STOM: variants seen among roughly 807,000 people sequenced by gnomAD.
The protein encoded by STOM is stomatin, also known as erythrocyte band 7 integral membrane protein.
A neutral mutation model predicts 30.6 loss-of-function variants in STOM; 25 were observed. That is an observed-to-expected ratio of 0.82 (90% CI 0.60 to 1.14). The LOEUF is 1.14. Among genes scored for constraint, STOM ranks in the 50% most tolerant of loss-of-function variants. The pLI is 0.00. For synonymous variants in STOM, 118 were observed against 130.8 expected, an observed-to-expected ratio of 0.90 and a Z score of 0.67; for missense variants, 292 against 365.2, an observed-to-expected ratio of 0.80 and a Z score of 1.63.
At chr9:121,350,587 G>T (rs572202662) in intron 4 of STOM, among the ~76,000 whole-genome samples, 1 of 152,310 alleles carries the variant, frequency 6.6e-6, no homozygotes, top group Non-Finnish European at 1.5e-5. Context: ...GACCTGAACT[G>T]AGTCCCATCT....
chr9:121,350,742 A>C (rs2064332132), intron 4 of STOM, among the ~76,000 whole-genome samples: 1 of 152,252 alleles, frequency 6.6e-6, no homozygotes, highest in South Asian at 2.1e-4. Flanking sequence ...CTTGTGAATG[A>C]AGCCCTTTTG....
chr9:121,349,469 T>A, intron 4 of STOM, 146 bp from the exon 5 acceptor site: 1 of 634,212 alleles, frequency 1.6e-6, no homozygotes, highest in Non-Finnish European at 2.7e-6. Context: ...TTTTAAAATT[T>A]AATAAAATAA....
At chr9:121,342,681 A>G (rs1020479935) in intron 6 of STOM, among the ~76,000 whole-genome samples, 2 of 152,244 alleles carry the variant, frequency 1.3e-5, no homozygotes, top group Non-Finnish European at 2.9e-5. Flanking sequence ...GTACATTTAA[A>G]AGAATGATGT....
Position 121,354,745 on chromosome 9 carries a change from A to G in STOM, c.166-72T>C. 8 of 1,181,522 alleles carry G rather than the reference A, an allele frequency of 6.8e-6. 1 individual carries two copies. Among genetic ancestry groups the G allele is most frequent in the Admixed American group, 2.2e-5 (1 of 46,096 alleles). 73.2% of individuals were successfully genotyped at this position (1,181,522 alleles called of 1,614,324 possible). A position where few individuals can be genotyped will look rare whatever the true frequency, so the allele number is the denominator to read the frequency against. On this transcript the variant is annotated intron_variant, in intron 2 of 6. Coordinates refer to ENST00000286713, the MANE Select transcript of STOM (RefSeq NM_004099.6). ...TATACATGCATGGCTTCTTAAATAT[A>G]TATTTCTGCTCTAAACAGATTAGAT...
chr9:121,357,434 T>TATATATATATATATATATATATAG (rs2064403953), intron 1 of STOM, among the ~76,000 whole-genome samples: 1 of 116,506 alleles, frequency 8.6e-6, no homozygotes, highest in Non-Finnish European at 1.9e-5. Flanking sequence ...GATATATATA[T>TATATATATATATATATATATATAG]ATATATTTAT....
intron 1 of STOM, among the ~76,000 whole-genome samples, chr9:121,357,323 T>G (rs1490355812): frequency 6.6e-6 from 1 of 151,438 alleles, no homozygotes; most frequent in East Asian, 1.9e-4. Flanking sequence ...TGCAAAAAAT[T>G]CACAGAAGTA....
rs572135554 is a variant in STOM, at chr9:121,358,012, C to T, written c.62-1856G>A. On this transcript the variant is annotated intron_variant, in intron 1 of 6. Transcript: ENST00000286713. ...TCTACCTCCATATTTCTAAATAATACGCTTTGCAGCTGGGTGCAGGGGTCA... is the reference window on the plus strand; with the variant it reads ...TCTACCTCCATATTTCTAAATAATATGCTTTGCAGCTGGGTGCAGGGGTCA... Among the ~76,000 whole-genome samples the T allele has an allele frequency of 1.2e-4, 19 of 152,006 alleles. No individual in the cohort carries two copies. In the South Asian group the frequency reaches 3.1e-3, roughly 25 times the overall value.
At chr9:121,363,336 A>G (rs757235053) in intron 1 of STOM, among the ~76,000 whole-genome samples, 1 of 152,062 alleles carries the variant, frequency 6.6e-6, no homozygotes, top group Non-Finnish European at 1.5e-5. Context: ...GGCCAAATTG[A>G]AAAGTCTTGG....
chr9:121,348,187 C>A (rs781649511), intron 5 of STOM, 38 bp from the exon 6 acceptor site: 1 of 1,613,508 alleles, frequency 6.2e-7, no homozygotes, highest in South Asian at 1.1e-5. Flanking sequence ...ATCTCCTCAG[C>A]CCAGCCCAGA....
chr9:121,350,717 T>A (rs938469228), intron 4 of STOM, among the ~76,000 whole-genome samples: 3 of 152,176 alleles, frequency 2.0e-5, no homozygotes, highest in Non-Finnish European at 4.4e-5. Flanking sequence ...TCTGTGAAGA[T>A]CAAATAAGAA....
At chr9:121,368,108 T>A (rs1302493027) in intron 1 of STOM, among the ~76,000 whole-genome samples, 1 of 152,162 alleles carries the variant, frequency 6.6e-6, no homozygotes, top group African/African-American at 2.4e-5. Context: ...ATTCCAGCAA[T>A]ACCTTTCCTA....
chr9:121,364,998 G>C (rs1037586682), intron 1 of STOM, among the ~76,000 whole-genome samples: 1 of 152,102 alleles, frequency 6.6e-6, no homozygotes, highest in East Asian at 1.9e-4. Context: ...TTGAAACATA[G>C]GGCTAATAAG....
chr9:121,342,605 C>G (rs1156737559), intron 6 of STOM, among the ~76,000 whole-genome samples: 2 of 152,072 alleles, frequency 1.3e-5, no homozygotes, highest in African/African-American at 2.4e-5. Context: ...ATAAAAAGCT[C>G]CTGACTGTTA....
rs2064232835 is a variant in STOM, at chr9:121,340,096, TA to T, written c.*1105del. On this transcript the variant is annotated 3_prime_UTR_variant, in exon 7 of 7. Coordinates refer to ENST00000286713, the MANE Select transcript of STOM (RefSeq NM_004099.6). ...ATATAGAACGTAGAGAAAATTTTAT[TA>T]AAAAATTAAAACTATTTAAAACCTG... 1 of 977,292 alleles carries T rather than the reference TA, an allele frequency of 1.0e-6. No homozygotes were observed. The highest frequency in any genetic ancestry group is 1.8e-5 in the African/African-American group (1 of 57,080). 60.5% of individuals were successfully genotyped at this position (977,292 alleles called of 1,614,324 possible). A position where few individuals can be genotyped will look rare whatever the true frequency, so the allele number is the denominator to read the frequency against.
chr9:121,365,365 A>T (rs963167290), intron 1 of STOM, among the ~76,000 whole-genome samples: 1 of 152,110 alleles, frequency 6.6e-6, no homozygotes, highest in African/African-American at 2.4e-5. Context: ...CAAAACATTT[A>T]TGTTCAGGAA....
intron 1 of STOM, among the ~76,000 whole-genome samples, chr9:121,363,049 A>G (rs1430564311): frequency 1.3e-5 from 2 of 152,236 alleles, no homozygotes; most frequent in Non-Finnish European, 2.9e-5. Context: ...AGTTCAACAG[A>G]TAACTGGATT....
chr9:121,366,231 T>C (rs2064502018), intron 1 of STOM: 1 of 985,282 alleles, frequency 1.0e-6, no homozygotes, highest in African/African-American at 1.7e-5. Context: ...GGCCAAATGC[T>C]TGGAGTTCAA....
In STOM at chr9:121,349,262, T is replaced by C; in HGVS notation, c.383A>G (p.Asn128Ser). 1 of 1,614,182 alleles carries C rather than the reference T, an allele frequency of 6.2e-7. No individual in the cohort carries two copies. Residue 128 changes from asparagine to serine, a missense_variant, in exon 5 of 7, where the codon AAT (asparagine) becomes AGT (serine). Asn to Ser is a conservative substitution (Grantham distance 46). Coordinates refer to ENST00000286713, the MANE Select transcript of STOM (RefSeq NM_004099.6). ...GATATTTGCCACAGCCAGGGTTGCA[T>C]TCTGAACGCGGTAATAGACCACACC... Reference protein sequence around the residue: ...VDGVVYYRVQNATLAVANITN... With the variant: ...VDGVVYYRVQSATLAVANITN...
chr9:121,355,942 TAAGA>T, intron 2 of STOM, 107 bp downstream of exon 2: 1 of 659,300 alleles, frequency 1.5e-6, no homozygotes, highest in Non-Finnish European at 2.4e-6. Context: ...ATAAGAATTA[TAAGA>T]GAGAGAGACA....
Sources: gnomAD v4.1 joint callset for allele counts (sites outside exome capture counted in the v4.1 genomes callset) on GRCh38, gnomAD v4.1.1 for gene constraint, MANE v1.5 for transcripts, NCBI Gene and HGNC (gene_info 2026-07-23, HGNC 2026-07-21) for gene names.